RNF24: variants seen among roughly 807,000 people sequenced by gnomAD.
RNF24 encodes the protein ring finger protein 24.
A neutral mutation model predicts 20.0 loss-of-function variants in RNF24; 14 were observed. The observed-to-expected ratio is 0.70, with a 90% CI of 0.46 to 1.10. The LOEUF (loss-of-function observed/expected upper bound fraction) is 1.10, where lower values mean the gene tolerates loss of function less well. Among genes scored for constraint, RNF24 ranks in the 50% least tolerant of loss-of-function variants. RNF24 has a pLI of 0.00. For synonymous variants in RNF24, 45 were observed against 61.1 expected (o/e 0.74, Z 1.23); for missense variants, 124 against 177.6 (o/e 0.70, Z 1.71).
intron 2 of RNF24, among the ~76,000 whole-genome samples, chr20:3,961,294 C>A (rs1220760291): frequency 1.3e-5 from 2 of 151,522 alleles, no homozygotes; most frequent in Non-Finnish European, 2.9e-5. Flanking sequence ...CCCAGCTACT[C>A]AGGAGGCTGA....
intron 1 of RNF24, among the ~76,000 whole-genome samples, chr20:3,987,977 C>T (rs1006488639): frequency 6.6e-6 from 1 of 151,994 alleles, no homozygotes; most frequent in African/African-American, 2.4e-5. Flanking sequence ...CATATGTAAG[C>T]ATCTTCACCT....
At chr20:3,963,819 C>T in intron 2 of RNF24, 56 bp downstream of exon 2, 2 of 1,403,554 alleles carry the variant, frequency 1.4e-6, no homozygotes, top group African/African-American at 1.5e-5. Context: ...AGGACAGAAA[C>T]TTGATTATTG....
At chr20:3,988,762 A>G (rs963051517) in intron 1 of RNF24, among the ~76,000 whole-genome samples, 1 of 152,172 alleles carries the variant, frequency 6.6e-6, no homozygotes, top group Non-Finnish European at 1.5e-5. Context: ...CCAGGCCCAT[A>G]TGAAATTTTT....
chr20:3,982,584 A>AG (rs1488276265), intron 1 of RNF24, among the ~76,000 whole-genome samples: 3 of 148,790 alleles, frequency 2.0e-5, no homozygotes, highest in Non-Finnish European at 4.5e-5. Flanking sequence ...GTCTCAAAAA[A>AG]AAAAAAAAAA....
At chr20:3,949,484 G>A (rs559363277) in intron 2 of RNF24, among the ~76,000 whole-genome samples, 3 of 152,190 alleles carry the variant, frequency 2.0e-5, no homozygotes, top group South Asian at 2.1e-4. Flanking sequence ...CCAGGAGTTC[G>A]AGACCAGCCT....
intron 1 of RNF24, among the ~76,000 whole-genome samples, chr20:4,012,428 AC>A (rs142514768): frequency 0.11 from 17,092 of 150,264 alleles, 1,181 homozygotes; most frequent in Non-Finnish European, 0.17. Flanking sequence ...AAAAAAAAAA[AC>A]AACAAAACAC....
chr20:3,942,190 G>A (rs2090964879), intron 4 of RNF24, among the ~76,000 whole-genome samples: 2 of 150,138 alleles, frequency 1.3e-5, no homozygotes, highest in Admixed American at 6.6e-5. Context: ...TTTTTTTGAG[G>A]TAGGTTCTTG....
chr20:4,008,737 G>A (rs1186419126), intron 1 of RNF24, among the ~76,000 whole-genome samples: 1 of 150,064 alleles, frequency 6.7e-6, no homozygotes, highest in African/African-American at 2.5e-5. Flanking sequence ...TAGTAAGATG[G>A]GGTTTCACCA....
chr20:3,947,391 C>T (rs1463254703), intron 3 of RNF24, among the ~76,000 whole-genome samples: 4 of 152,150 alleles, frequency 2.6e-5, no homozygotes, highest in Admixed American at 6.5e-5. Context: ...AATAATTTTA[C>T]TTGGCCTTTG....
At chr20:3,976,725 T>C (rs1457589755) in intron 1 of RNF24, among the ~76,000 whole-genome samples, 1 of 152,186 alleles carries the variant, frequency 6.6e-6, no homozygotes, top group East Asian at 1.9e-4. Context: ...ATAGATGCAA[T>C]AATCAGAGTC....
chr20:3,985,040 GAAC>G (rs35141614), intron 1 of RNF24, among the ~76,000 whole-genome samples: 1,577 of 148,166 alleles, frequency 0.011, 17 homozygotes, highest in African/African-American at 0.036. Context: ...TTGGGCGGGG[GAAC>G]AACAACAACC....
At chr20:3,966,630 C>T (rs1200028971) in intron 1 of RNF24, among the ~76,000 whole-genome samples, 2 of 152,118 alleles carry the variant, frequency 1.3e-5, no homozygotes, top group East Asian at 3.8e-4. Flanking sequence ...AGCTCTTCTG[C>T]ATGCACTGAC....
chr20:3,983,832 T>C (rs1472827350), intron 1 of RNF24, among the ~76,000 whole-genome samples: 1 of 149,582 alleles, frequency 6.7e-6, no homozygotes, highest in Non-Finnish European at 1.5e-5. Context: ...TCCCAACTAC[T>C]TGGGAGGCTG....
intron 4 of RNF24, among the ~76,000 whole-genome samples, chr20:3,938,070 T>C (rs1186457107): frequency 6.6e-6 from 1 of 152,234 alleles, no homozygotes; most frequent in Non-Finnish European, 1.5e-5. Context: ...TTTACGTTCC[T>C]ACCAGCAGTA....
rs910789730 is a variant in RNF24 at position 3,997,249 on chromosome 20, A to G, written c.-8+18188T>C. Among the ~76,000 whole-genome samples, 978 of 151,486 alleles carry G rather than the reference A, an allele frequency of 6.5e-3. 36 individuals carry two copies. Among genetic ancestry groups the G allele is most frequent in the Admixed American group, 0.055 (823 of 15,064 alleles). ...CATCTCAAAAAAAAAAAAAAAAAAA[A>G]AAGAAATACATTTTAATCTTATTTT... On this transcript the variant is annotated intron_variant, in intron 1 of 5. Coordinates refer to ENST00000358395, the MANE Select transcript of RNF24 (RefSeq NM_001134337.3).
At chr20:3,977,925 G>C (rs1254136681) in intron 1 of RNF24, among the ~76,000 whole-genome samples, 1 of 150,674 alleles carries the variant, frequency 6.6e-6, no homozygotes, top group Non-Finnish European at 1.5e-5. Context: ...AAAAACCCCA[G>C]AAAGACTCTA....
rs547238353 is a variant in RNF24, at chr20:4,008,948, T to C, written c.-8+6489A>G. ...TCATAATTGTTTCAATTCTTAAGTG[T>C]AGCAAAAAATGGTGAGTAATTAAAA... On this transcript the variant is annotated intron_variant, in intron 1 of 5. Transcript: ENST00000358395. 3.9e-5 allele frequency among the ~76,000 whole-genome samples: 6 copies of C among 152,224 alleles called. No individual in the cohort carries two copies. In the East Asian group the frequency reaches 1.2e-3, roughly 29 times the overall value.
intron 1 of RNF24, among the ~76,000 whole-genome samples, chr20:4,012,139 G>A (rs753920268): frequency 5.9e-5 from 9 of 152,070 alleles, no homozygotes; most frequent in Non-Finnish European, 1.0e-4. Context: ...TTGGCCGGGC[G>A]CGGTGGCTCA....
In RNF24 at chr20:3,927,381, A is replaced by G. The variant is rs2090737764; in HGVS notation, c.*6682T>C. ...CATGTTTTATTTTTGAGGAGTGATT[A>G]GCAAAATGCATTAAAATTTTAAAAT... On this transcript the variant is annotated 3_prime_UTR_variant, in exon 6 of 6. Transcript: ENST00000358395. 1 of 152,250 alleles carries G rather than the reference A, an allele frequency of 6.6e-6. No individual in the cohort carries two copies. The allele number at this position is 152,250 out of a possible 1,614,324, so 9.4% of individuals were successfully genotyped here.
Sources: gnomAD v4.1 joint callset for allele counts (sites outside exome capture counted in the v4.1 genomes callset) on GRCh38, gnomAD v4.1.1 for gene constraint, MANE v1.5 for transcripts, NCBI Gene and HGNC (gene_info 2026-07-23, HGNC 2026-07-21) for gene names.